TTC17: variants seen among roughly 807,000 people sequenced by gnomAD.
TTC17 encodes tetratricopeptide repeat domain 17.
Under a neutral mutation model 143.8 loss-of-function variants are expected in TTC17, and 58 were observed. That is an observed-to-expected ratio of 0.40 (90% CI 0.33 to 0.50). The LOEUF is 0.50. Among genes scored for constraint, TTC17 ranks in the 20% least tolerant of loss-of-function variants. The probability of loss-of-function intolerance (pLI) is 0.49; values close to 1 mark genes in which losing one functional copy is unlikely to be tolerated. For missense variants in TTC17, 1,273 were observed against 1,392.5 expected, an observed-to-expected ratio of 0.91 and a Z score of 1.37; for synonymous variants, 501 against 497.8, an observed-to-expected ratio of 1.01 and a Z score of -0.09.
chr11:43,390,663 G>A (rs572196712), intron 3 of TTC17, among the ~76,000 whole-genome samples: 1 of 146,672 alleles, frequency 6.8e-6, no homozygotes, highest in Non-Finnish European at 1.5e-5. Flanking sequence ...AAATAAAAAT[G>A]AAAAATAAAA....
chr11:43,484,336 A>T (rs574296628), intron 21 of TTC17, among the ~76,000 whole-genome samples: 3 of 152,354 alleles, frequency 2.0e-5, no homozygotes, highest in Admixed American at 1.3e-4. Context: ...CACAAAATTT[A>T]AAAGTGTAAT....
intron 3 of TTC17, among the ~76,000 whole-genome samples, chr11:43,391,006 T>A (rs922707492): frequency 4.6e-5 from 7 of 152,226 alleles, no homozygotes; most frequent in Admixed American, 4.6e-4. Flanking sequence ...CCCAAAATGT[T>A]TGACTCTTCA....
At position 43,385,345 on chromosome 11, in the gene TTC17, T is replaced by C. The variant is rs190046245; in HGVS notation, c.250-4307T>C. ...ATAAAGGAAATAATTTACAAAGTTTTGTTATCATGCATAACATGTTCTCTG... is the reference window on the plus strand; with the variant it reads ...ATAAAGGAAATAATTTACAAAGTTTCGTTATCATGCATAACATGTTCTCTG... On this transcript the variant is annotated intron_variant, in intron 2 of 23. Coordinates refer to ENST00000039989, the MANE Select transcript of TTC17 (RefSeq NM_018259.6). 3.3e-4 allele frequency among the ~76,000 whole-genome samples: 51 copies of C among 152,324 alleles called. 1 individual carries two copies. Among genetic ancestry groups the C allele is most frequent in the African/African-American group, 8.7e-4 (36 of 41,570 alleles).
intron 21 of TTC17, among the ~76,000 whole-genome samples, chr11:43,481,695 A>G (rs1266274108): frequency 6.6e-6 from 1 of 152,044 alleles, no homozygotes; most frequent in African/African-American, 2.4e-5. Context: ...TCCTTTTACT[A>G]TCTGTAGGAT....
intron 21 of TTC17, among the ~76,000 whole-genome samples, chr11:43,470,508 G>T (rs1590477704): frequency 6.6e-6 from 1 of 152,128 alleles, no homozygotes; most frequent in African/African-American, 2.4e-5. Context: ...CTTTTCATCA[G>T]GTATTTGTAG....
chr11:43,380,571 G>A (rs971020489), intron 2 of TTC17, among the ~76,000 whole-genome samples: 4 of 152,204 alleles, frequency 2.6e-5, no homozygotes, highest in African/African-American at 9.7e-5. Context: ...TGGCATACCT[G>A]TTAAGCCAAG....
chr11:43,470,125 A>G (rs1948064846), intron 21 of TTC17, among the ~76,000 whole-genome samples: 1 of 152,232 alleles, frequency 6.6e-6, no homozygotes, highest in Admixed American at 6.5e-5. Flanking sequence ...TAAAAATGAA[A>G]TATCATTGAT....
Position 43,359,069 on chromosome 11 carries a change from A to G in TTC17, c.115A>G (p.Thr39Ala). The G allele has an allele frequency of 6.3e-7, 1 of 1,590,786 alleles. No individual in the cohort carries two copies. The change falls in exon 1 of 24, where the codon ACC becomes GCC. Residue 39 changes from threonine (T) to alanine (A), a missense_variant. Physicochemically the swap from Thr to Ala is moderately conservative, Grantham distance 58. Coordinates refer to ENST00000039989, the MANE Select transcript of TTC17 (RefSeq NM_018259.6). ...TGTGGCGGCACGAGGGGCCTTCGCC[A>G]CCACGCACTGGGTCGTCACGGAGGA... ...LSVAARGAFA[T>A]THWVVTEDGK...
At chr11:43,436,474 G>A in intron 16 of TTC17, 1 of 713,898 alleles carries the variant, frequency 1.4e-6, no homozygotes. Context: ...TGACCCCTAG[G>A]TGGTGAGGCA....
In TTC17 at chr11:43,444,074, C is replaced by T. The variant is rs755668108; in HGVS notation, c.2530C>T (p.Arg844Cys). The part of the protein sequence containing the change: ...ATEWITFQVK[R>C]VKKPKGDHKK... ...TTCCCAGATTACATTCCAGGTCAAA[C>T]GTGTAAAGAAACCCAAAGGAGATCA... The change falls in exon 18 of 24, where the codon CGT (arginine) becomes TGT (cysteine). Residue 844 changes from arginine (R) to cysteine (C), a missense_variant. By Grantham distance (180) the Arg-to-Cys change is radical. Transcript: ENST00000039989. The T allele has an allele frequency of 3.1e-6, 5 of 1,609,080 alleles. No homozygotes were observed. The highest frequency in any genetic ancestry group is 4.2e-6 in the Non-Finnish European group (5 of 1,178,394).
At chr11:43,388,622 T>G (rs1294178292) in intron 2 of TTC17, among the ~76,000 whole-genome samples, 2 of 151,758 alleles carry the variant, frequency 1.3e-5, no homozygotes, top group African/African-American at 4.8e-5. Flanking sequence ...AAAGATTGCT[T>G]GAGCCCAGGA....
intron 21 of TTC17, among the ~76,000 whole-genome samples, chr11:43,469,757 GTTAC>G (rs1343665569): frequency 6.6e-6 from 1 of 152,104 alleles, no homozygotes; most frequent in Non-Finnish European, 1.5e-5. Context: ...CTGTGTCTTT[GTTAC>G]TTAATTGTCG....
chr11:43,475,412 A>T (rs1948167696), intron 21 of TTC17, among the ~76,000 whole-genome samples: 1 of 152,174 alleles, frequency 6.6e-6, no homozygotes, highest in Admixed American at 6.5e-5. Flanking sequence ...CACTCACTAC[A>T]GCCTCAACCT....
At chr11:43,473,956 T>A (rs1206450158) in intron 21 of TTC17, among the ~76,000 whole-genome samples, 1 of 151,860 alleles carries the variant, frequency 6.6e-6, no homozygotes, top group Admixed American at 6.6e-5. Flanking sequence ...CTAGCAAAAT[T>A]ATACATTCAT....
intron 20 of TTC17, 25 bp downstream of exon 20, chr11:43,450,266 T>C: frequency 1.2e-6 from 2 of 1,600,654 alleles, no homozygotes; most frequent in South Asian, 2.2e-5. Context: ...TTGTTCAGGC[T>C]GTTTTTTAGC....
intron 20 of TTC17, among the ~76,000 whole-genome samples, chr11:43,450,641 T>G (rs1437896284): frequency 6.6e-6 from 1 of 152,156 alleles, no homozygotes; most frequent in African/African-American, 2.4e-5. Flanking sequence ...ATCACAAGTA[T>G]CCAACAGTAG....
At position 43,443,327 on chromosome 11, in the gene TTC17, A is replaced by T. The variant is rs1947464047; in HGVS notation, c.2254A>T (p.Thr752Ser). 1 of 1,613,784 alleles carries T rather than the reference A, an allele frequency of 6.2e-7. No individual in the cohort carries two copies. Among genetic ancestry groups the T allele is most frequent in the Admixed American group, 1.7e-5 (1 of 59,982 alleles). Residue 752 changes from threonine to serine, a missense_variant and splice_region_variant, in exon 17 of 24, where the codon ACG becomes TCG. Around this residue, in one of 3 missense-constraint regions of TTC17, gnomAD observed 878 missense variants for 899.8 expected, o/e 0.98. Transcript: ENST00000039989. Reference protein sequence around the residue: ...YNITSSVCSGTVVEESNGSDE... With the variant: ...YNITSSVCSGSVVEESNGSDE... ...ACGTGCTGGCCCTTGAATTTCAGGT[A>T]CGGTGGTTGAGGAGAGCAATGGTTC...
intron 21 of TTC17, among the ~76,000 whole-genome samples, chr11:43,455,896 A>G (rs1367546272): frequency 2.0e-5 from 3 of 152,174 alleles, no homozygotes; most frequent in African/African-American, 7.2e-5. Flanking sequence ...GAAAAAAATG[A>G]CACCAAAAAA....
intron 21 of TTC17, among the ~76,000 whole-genome samples, chr11:43,482,027 C>G (rs774009396): frequency 1.3e-5 from 2 of 152,056 alleles, no homozygotes; most frequent in Non-Finnish European, 2.9e-5. Flanking sequence ...CCAGGTCAGT[C>G]TCAAACTCCT....
Sources: allele counts gnomAD v4.1 joint callset (sites outside exome capture counted in the v4.1 genomes callset), GRCh38; gene constraint gnomAD v4.1.1; regional missense constraint gnomAD v4.1.1; transcripts MANE v1.5; gene names NCBI Gene and HGNC (gene_info 2026-07-23, HGNC 2026-07-21).